Variants in MYO10 observed in about 807,000 individuals in gnomAD.
MYO10 encodes the protein myosin X, also known as unconventional myosin-X.
In MYO10, 133 loss-of-function variants were observed where a neutral mutation model predicts 257.3. The observed-to-expected ratio is 0.52, with a 90% CI of 0.45 to 0.60. The LOEUF (loss-of-function observed/expected upper bound fraction) is 0.60. MYO10 is among the 20% of genes least tolerant of loss of function. The pLI, the probability that MYO10 is intolerant of heterozygous loss-of-function variation, is 0.00. For synonymous variants in MYO10, 1,104 were observed against 1,028.6 expected (o/e 1.07, Z -1.40); for missense variants, 2,399 against 2,635.7 (o/e 0.91, Z 1.97).
chr5:16,666,609 G>T lies in MYO10; in HGVS notation c.*83C>A. ...GCCTGGGCAGCTCTGTGTTTGTTTT[G>T]GCTGGGCATGGCACACTGGAGCCAG... is the stretch of plus-strand genomic sequence containing the variant. On this transcript the variant is annotated 3_prime_UTR_variant, in exon 41 of 41. Coordinates refer to ENST00000513610, the MANE Select transcript of MYO10 (RefSeq NM_012334.3). 1.7e-6 allele frequency: 2 copies of T among 1,168,508 alleles called. No homozygotes were observed. The highest frequency in any genetic ancestry group is 2.4e-6 in the Non-Finnish European group (2 of 833,478). 72.4% of individuals were successfully genotyped at this position (1,168,508 alleles called of 1,614,324 possible).
intron 4 of MYO10, among the ~76,000 whole-genome samples, chr5:16,784,539 GGCATATGGCACCAT>G (rs752601241): frequency 2.6e-5 from 4 of 152,198 alleles, no homozygotes; most frequent in Non-Finnish European, 5.9e-5. Context: ...CCATCCATCT[GGCATATGGCACCAT>G]GCTTGGTGTT....
chr5:16,772,843 C>T (rs1318531950), intron 9 of MYO10, among the ~76,000 whole-genome samples: 2 of 152,148 alleles, frequency 1.3e-5, no homozygotes, highest in Admixed American at 6.5e-5. Flanking sequence ...ATTTTAGTTA[C>T]ATGGAACTCT....
intron 4 of MYO10, among the ~76,000 whole-genome samples, chr5:16,787,957 T>TA (rs537234038): frequency 1.9e-4 from 29 of 152,228 alleles, no homozygotes; most frequent in Admixed American, 1.6e-3. Context: ...CACGCCCAGC[T>TA]AATTTTTGTA....
At chr5:16,716,843 A>AT (rs1738897500) in intron 19 of MYO10, among the ~76,000 whole-genome samples, 1 of 151,670 alleles carries the variant, frequency 6.6e-6, no homozygotes, top group Non-Finnish European at 1.5e-5. Flanking sequence ...TATTTTTTTT[A>AT]TTTTTTTGAG....
rs1387580060 is a variant in MYO10, at chr5:16,680,243, TCCTGC to T, written c.4385-144_4385-140del. 3.7e-5 allele frequency: 39 copies of T among 1,066,192 alleles called. No homozygotes were observed. In the Admixed American group the frequency reaches 9.5e-4, roughly 26 times the overall value. The allele number at this position is 1,066,192 out of a possible 1,614,324, so 66.0% of individuals were successfully genotyped here. ...TGGCTTAATTCCTACATGTGTCCTG[TCCTGC>T]CCTGCACTAGGTATCTAGTGATGAA... On this transcript the variant is annotated intron_variant, in intron 32 of 40. Coordinates refer to ENST00000513610, the MANE Select transcript of MYO10 (RefSeq NM_012334.3).
At chr5:16,842,662 C>T (rs528885714) in intron 2 of MYO10, among the ~76,000 whole-genome samples, 57 of 152,278 alleles carry the variant, frequency 3.7e-4, no homozygotes, top group African/African-American at 1.3e-3. Context: ...GGAAGGTTCA[C>T]GCCTGTCATC....
chr5:16,794,443 G>A (rs1741869459), intron 4 of MYO10, among the ~76,000 whole-genome samples: 1 of 149,418 alleles, frequency 6.7e-6, no homozygotes, highest in African/African-American at 2.5e-5. Context: ...CAAGAGCCAA[G>A]CAACATGGTC....
intron 25 of MYO10, among the ~76,000 whole-genome samples, chr5:16,700,746 A>G (rs256932): frequency 0.44 from 67,260 of 152,138 alleles, 16,956 homozygotes; most frequent in African/African-American, 0.7. Flanking sequence ...GCTCAGCTCT[A>G]GGCTTTGTGC....
intron 2 of MYO10, among the ~76,000 whole-genome samples, chr5:16,856,729 G>A (rs929446727): frequency 2.0e-5 from 3 of 152,114 alleles, no homozygotes. Context: ...TAAGGAAGCA[G>A]GTGCCAGCAT....
chr5:16,762,256 G>T, intron 15 of MYO10, 143 bp from the exon 16 acceptor site: 1 of 1,067,054 alleles, frequency 9.4e-7, no homozygotes, highest in Non-Finnish European at 1.3e-6. Context: ...TCAGGACACG[G>T]CATATGGTGC....
At position 16,681,425 on chromosome 5, in the gene MYO10, T is replaced by C. The variant is rs779527693; in HGVS notation, c.4268A>G (p.His1423Arg). The change falls in exon 32 of 41, where the codon CAC (histidine) becomes CGC (arginine). Residue 1423 changes from histidine (H) to arginine (R), a missense_variant. Physicochemically the swap from His to Arg is conservative, Grantham distance 29. Around this residue, in one of 3 missense-constraint regions of MYO10, gnomAD observed 1,820 missense variants for 1,939.4 expected, o/e 0.94. Transcript: ENST00000513610. ...ACTCTTGTAGTAATCCAGGGAATTG[T>C]GGGTGAGTACAAACCACCGTTTCTT... The part of the protein sequence containing the change: ...KLKKRWFVLT[H>R]NSLDYYKSSE... The C allele has an allele frequency of 3.7e-6, 6 of 1,613,876 alleles. No homozygotes were observed. The highest frequency in any genetic ancestry group is 4.2e-6 in the Non-Finnish European group (5 of 1,179,886).
At chr5:16,742,081 AT>A in intron 19 of MYO10, 2 of 985,428 alleles carry the variant, frequency 2.0e-6, no homozygotes, top group Non-Finnish European at 2.4e-6. Flanking sequence ...GCATCAACAA[AT>A]GTGTAATTAC....
intron 2 of MYO10, among the ~76,000 whole-genome samples, chr5:16,858,666 C>T (rs755064466): frequency 1.3e-5 from 2 of 152,158 alleles, no homozygotes; most frequent in Non-Finnish European, 2.9e-5. Context: ...TGCAGTTCTA[C>T]GTAACACACA....
rs115236861 is a variant in MYO10, at chr5:16,879,369, G to A, written c.22-1662C>T. On this transcript the variant is annotated intron_variant, in intron 1 of 40. Transcript: ENST00000513610. Reference sequence around the variant, plus strand: ...TGCTCTTTAAACACAGAGTTGGCAGGGGATAAATGACACACCAGTAAACTC... The same window carrying A: ...TGCTCTTTAAACACAGAGTTGGCAGAGGATAAATGACACACCAGTAAACTC... 1.4e-3 allele frequency among the ~76,000 whole-genome samples: 212 copies of A among 152,212 alleles called. 1 individual carries two copies. Among genetic ancestry groups the A allele is most frequent in the African/African-American group, 5.0e-3 (206 of 41,528 alleles).
intron 2 of MYO10, among the ~76,000 whole-genome samples, chr5:16,854,757 C>T (rs1263087550): frequency 6.6e-6 from 1 of 152,288 alleles, no homozygotes; most frequent in Non-Finnish European, 1.5e-5. Context: ...ATTGGCCGGG[C>T]ATGGTGGCTC....
chr5:16,864,232 T>C (rs1250390592), intron 2 of MYO10, among the ~76,000 whole-genome samples: 2 of 151,892 alleles, frequency 1.3e-5, no homozygotes, highest in Non-Finnish European at 2.9e-5. Flanking sequence ...ACAGTCTTAA[T>C]GAAGCATGCG....
At chr5:16,812,172 C>T (rs1272397241) in intron 3 of MYO10, among the ~76,000 whole-genome samples, 1 of 152,118 alleles carries the variant, frequency 6.6e-6, no homozygotes, top group East Asian at 1.9e-4. Flanking sequence ...GGGAGCAGAG[C>T]AGGGCTCTAG....
intron 2 of MYO10, among the ~76,000 whole-genome samples, chr5:16,853,299 G>A (rs932540941): frequency 1.3e-5 from 2 of 151,654 alleles, no homozygotes; most frequent in Non-Finnish European, 2.9e-5. Flanking sequence ...GCATGAACCC[G>A]AGAGGCGGAG....
rs991690367 is a variant in MYO10 at position 16,810,187 on chromosome 5, A to T, written c.279+7822T>A. 6.7e-4 allele frequency among the ~76,000 whole-genome samples: 102 copies of T among 152,178 alleles called. 1 individual carries two copies. Among genetic ancestry groups the T allele is most frequent in the Non-Finnish European group, 2.1e-4 (14 of 68,028 alleles). Reference sequence around the variant, plus strand: ...GAGATGATCCAGGGCCAGAGAGCACAGGAAGACAGAAAACAGGCACCTAAA... The same window carrying T: ...GAGATGATCCAGGGCCAGAGAGCACTGGAAGACAGAAAACAGGCACCTAAA... On this transcript the variant is annotated intron_variant, in intron 3 of 40. Transcript: ENST00000513610.
Sources: gnomAD v4.1 joint callset for allele counts (sites outside exome capture counted in the v4.1 genomes callset) on GRCh38, gnomAD v4.1.1 for gene constraint, gnomAD v4.1.1 regional missense constraint, MANE v1.5 for transcripts, NCBI Gene and HGNC (gene_info 2026-07-23, HGNC 2026-07-21) for gene names.